FSTL4: variants seen among roughly 807,000 people sequenced by gnomAD.
The protein encoded by FSTL4 is follistatin-related protein 4.
Under a neutral mutation model 78.2 loss-of-function variants are expected in FSTL4, and 28 were observed. The observed-to-expected ratio is 0.36, with a 90% CI of 0.27 to 0.49. The LOEUF (loss-of-function observed/expected upper bound fraction) is 0.49. Among genes scored for constraint, FSTL4 ranks in the 20% least tolerant of loss-of-function variants. The pLI is 0.98. For missense variants in FSTL4, 922 were observed against 1,084.9 expected (o/e 0.85, Z 2.11); for synonymous variants, 422 against 440.5 (o/e 0.96, Z 0.53).
chr5:133,283,905 A>G (rs994955662), intron 6 of FSTL4, among the ~76,000 whole-genome samples: 2 of 152,208 alleles, frequency 1.3e-5, no homozygotes, highest in African/African-American at 4.8e-5. Flanking sequence ...GGAAGCAAGC[A>G]TGTCTTAATA....
At position 133,225,911 on chromosome 5, in the gene FSTL4, T is replaced by C. The variant is rs1751318896; in HGVS notation, c.1016-92A>G. The C allele has an allele frequency of 1.1e-6, 1 of 946,022 alleles. No homozygotes were observed. The highest frequency in any genetic ancestry group is 2.7e-5 in the Admixed American group (1 of 36,648). The allele number at this position is 946,022 out of a possible 1,614,324, so 58.6% of individuals were successfully genotyped here. A position where few individuals can be genotyped will look rare whatever the true frequency, so the allele number is the denominator to read the frequency against. On this transcript the variant is annotated intron_variant, in intron 8 of 15. Coordinates refer to ENST00000265342, the MANE Select transcript of FSTL4 (RefSeq NM_015082.2). The surrounding 1 kb of genome is among the most constrained non-coding windows in gnomAD (Gnocchi z 4.6). ...ACCTGAGACCCTGCTCCAGAGGGGG[T>C]GAACCCAAGTAGGTGACTGGAGTTC...
At chr5:133,579,410 T>A (rs769796907) in intron 2 of FSTL4, among the ~76,000 whole-genome samples, 29 of 152,238 alleles carry the variant, frequency 1.9e-4, no homozygotes, top group Non-Finnish European at 3.7e-4. Context: ...AGGGACAGCC[T>A]GTGATGCGTT....
chr5:133,558,711 A>G (rs189061592), intron 3 of FSTL4, among the ~76,000 whole-genome samples: 2 of 152,168 alleles, frequency 1.3e-5, no homozygotes, highest in African/African-American at 4.8e-5. Flanking sequence ...ATATAACCCA[A>G]ATAAGAGCAT....
At chr5:133,706,349 A>C in the FSTL4 span, among the ~76,000 whole-genome samples, 7 of 152,346 alleles carry the variant, frequency 4.6e-5, no homozygotes, top group East Asian at 1.3e-3. Context: ...ATACTGGAAA[A>C]TTGATGGATG....
intron 3 of FSTL4, among the ~76,000 whole-genome samples, chr5:133,437,646 C>G (rs148915683): frequency 2.6e-5 from 4 of 151,860 alleles, no homozygotes; most frequent in African/African-American, 9.7e-5. Flanking sequence ...CTCGCCACCA[C>G]ACCCGGTTAA....
At chr5:133,342,599 A>G (rs935623762) in intron 4 of FSTL4, among the ~76,000 whole-genome samples, 2 of 152,086 alleles carry the variant, frequency 1.3e-5, no homozygotes, top group African/African-American at 4.8e-5. Context: ...GTCTTTCTGG[A>G]GGGCCTACTA....
intron 2 of FSTL4, among the ~76,000 whole-genome samples, chr5:133,569,751 C>T (rs1760109437): frequency 6.6e-6 from 1 of 152,004 alleles, no homozygotes; most frequent in East Asian, 1.9e-4. Flanking sequence ...TTCCACTACC[C>T]CTGTATTTCT....
chr5:133,685,178 C>T, the FSTL4 span, among the ~76,000 whole-genome samples: 1,308 of 152,306 alleles, frequency 8.6e-3, 19 homozygotes, highest in African/African-American at 0.03. Context: ...TTTCAGGAGC[C>T]TGCCCCTGGG....
At chr5:133,491,568 T>A (rs1392679824) in intron 3 of FSTL4, among the ~76,000 whole-genome samples, 1 of 151,218 alleles carries the variant, frequency 6.6e-6, no homozygotes, top group African/African-American at 2.4e-5. Flanking sequence ...CCTGGCTAAT[T>A]TTTTTGTATT....
chr5:133,644,748 C>A, the FSTL4 span, among the ~76,000 whole-genome samples: 2 of 152,136 alleles, frequency 1.3e-5, no homozygotes, highest in Non-Finnish European at 2.9e-5. Context: ...CCATACCCTG[C>A]CCTCTACCTG....
the FSTL4 span, among the ~76,000 whole-genome samples, chr5:133,700,500 C>T: frequency 2.5e-4 from 38 of 152,244 alleles, 1 homozygote; most frequent in Non-Finnish European, 2.4e-4. Flanking sequence ...TTTCTGCTCA[C>T]GACAGGTCTG....
chr5:133,698,158 T>A, the FSTL4 span, among the ~76,000 whole-genome samples: 5 of 152,176 alleles, frequency 3.3e-5, no homozygotes, highest in African/African-American at 1.2e-4. Context: ...AACTACTTCA[T>A]ACCCTTACTT....
At chr5:133,521,686 C>G (rs1758984694) in intron 3 of FSTL4, among the ~76,000 whole-genome samples, 1 of 152,184 alleles carries the variant, frequency 6.6e-6, no homozygotes, top group Non-Finnish European at 1.5e-5. Flanking sequence ...CCTATCAACT[C>G]TTTCTAAATT....
chr5:133,598,676 A>G (rs1760791294), intron 2 of FSTL4, among the ~76,000 whole-genome samples: 1 of 151,068 alleles, frequency 6.6e-6, no homozygotes, highest in South Asian at 2.1e-4. Flanking sequence ...CTGCAGAGGA[A>G]GTTCTGGATC....
intron 3 of FSTL4, among the ~76,000 whole-genome samples, chr5:133,554,620 A>T (rs1267964672): frequency 6.6e-6 from 1 of 152,230 alleles, no homozygotes; most frequent in Non-Finnish European, 1.5e-5. Flanking sequence ...TGCTGAGCTT[A>T]TTCAACAACA....
chr5:133,601,717 C>G (rs1218292405), intron 2 of FSTL4, among the ~76,000 whole-genome samples: 1 of 145,346 alleles, frequency 6.9e-6, no homozygotes, highest in Non-Finnish European at 1.5e-5. Context: ...TGGTCTCACT[C>G]TGTCACCCAG....
At chr5:133,237,433 T>C (rs1045705333) in intron 7 of FSTL4, among the ~76,000 whole-genome samples, 5 of 152,158 alleles carry the variant, frequency 3.3e-5, no homozygotes, top group Non-Finnish European at 7.4e-5. Flanking sequence ...GAGCAGAGAC[T>C]TAACTCTTGG....
chr5:133,329,560 G>T (rs1438483600), intron 4 of FSTL4, among the ~76,000 whole-genome samples: 2 of 152,100 alleles, frequency 1.3e-5, no homozygotes, highest in African/African-American at 4.8e-5. Context: ...ATGCTCGAGG[G>T]CAGGAAGCAA....
chr5:133,280,848 C>T (rs1042368365), intron 6 of FSTL4, among the ~76,000 whole-genome samples: 11 of 152,330 alleles, frequency 7.2e-5, no homozygotes. Context: ...GTCTCCTGGA[C>T]ATCTGGCTAG....
Sources: gnomAD v4.1 joint callset for allele counts (sites outside exome capture counted in the v4.1 genomes callset) on GRCh38, gnomAD v4.1.1 for gene constraint, Gnocchi (gnomAD v3.1) non-coding constraint, MANE v1.5 for transcripts, NCBI Gene and HGNC (gene_info 2026-07-23, HGNC 2026-07-21) for gene names.